SEMA5A: variants seen among roughly 807,000 people sequenced by gnomAD.
SEMA5A encodes the protein semaphorin-5A.
Under a neutral mutation model 135.5 loss-of-function variants are expected in SEMA5A, and 55 were observed. The observed-to-expected ratio is 0.41, with a 90% confidence interval of 0.33 to 0.51. The LOEUF (loss-of-function observed/expected upper bound fraction) is 0.51, where lower values mean the gene tolerates loss of function less well. Among genes scored for constraint, SEMA5A ranks in the 20% least tolerant of loss-of-function variants. SEMA5A has a pLI of 0.37. For synonymous variants in SEMA5A, 580 were observed against 546.5 expected (o/e 1.06, Z -0.85); for missense variants, 1,290 against 1,419.9 (o/e 0.91, Z 1.47).
chr5:9,395,064 T>C (rs1756329793), intron 2 of SEMA5A, among the ~76,000 whole-genome samples: 1 of 152,196 alleles, frequency 6.6e-6, no homozygotes, highest in Non-Finnish European at 1.5e-5. Flanking sequence ...TTTTCAACAA[T>C]ATGCATTTAT....
chr5:9,377,163 C>G lies in SEMA5A; in HGVS notation c.124+2660G>C, dbSNP rs558885574. On this transcript the variant is annotated intron_variant, in intron 3 of 22. Transcript: ENST00000382496. ...TCTACACTCTTCTAGAGAGTAGGCT[C>G]CAGCATATATCATTAGGTTAAAATA... 2.0e-5 allele frequency among the ~76,000 whole-genome samples: 3 copies of G among 150,432 alleles called. No individual in the cohort carries two copies. The East Asian group carries it at 5.8e-4, about 29-fold the overall frequency.
chr5:9,424,224 A>T (rs771310139), intron 2 of SEMA5A, among the ~76,000 whole-genome samples: 53 of 152,318 alleles, frequency 3.5e-4, no homozygotes, highest in Non-Finnish European at 5.6e-4. Context: ...CAAATATTTC[A>T]TTGTAAGAGT....
chr5:9,058,405 C>A (rs1320009722), intron 18 of SEMA5A, among the ~76,000 whole-genome samples: 2 of 152,136 alleles, frequency 1.3e-5, no homozygotes, highest in Admixed American at 1.3e-4. Flanking sequence ...ATAGGAATCT[C>A]CTCATGGCTT....
chr5:9,047,390 GCTCT>G (rs1300856605), intron 21 of SEMA5A, among the ~76,000 whole-genome samples: 5 of 152,152 alleles, frequency 3.3e-5, no homozygotes, highest in Non-Finnish European at 7.3e-5. Flanking sequence ...ACTAAAAATA[GCTCT>G]CTAAGACAAA....
chr5:9,326,341 G>A (rs1164048096), intron 4 of SEMA5A, among the ~76,000 whole-genome samples: 2 of 152,188 alleles, frequency 1.3e-5, no homozygotes, highest in African/African-American at 2.4e-5. Context: ...AACCTCCATC[G>A]CAGGCATTCA....
intron 3 of SEMA5A, among the ~76,000 whole-genome samples, chr5:9,354,763 C>G (rs1188005700): frequency 6.6e-6 from 1 of 152,066 alleles, no homozygotes; most frequent in African/African-American, 2.4e-5. Context: ...TGACTTAGAG[C>G]AACATGGTAG....
intron 2 of SEMA5A, among the ~76,000 whole-genome samples, chr5:9,391,383 A>T (rs1308267392): frequency 6.6e-6 from 1 of 151,908 alleles, no homozygotes; most frequent in African/African-American, 2.4e-5. Context: ...GGTGAATATA[A>T]GTGTACATAT....
At chr5:9,428,169 C>CT (rs1561245298) in intron 2 of SEMA5A, among the ~76,000 whole-genome samples, 232 of 51,646 alleles carry the variant, frequency 4.5e-3, no homozygotes, top group African/African-American at 0.018. Context: ...TCTATCTATC[C>CT]ATCCATCCAT....
chr5:9,520,106 A>G (rs1389518983), intron 1 of SEMA5A: 2 of 152,394 alleles, frequency 1.3e-5, no homozygotes. Context: ...CACCTGGCCT[A>G]GCAGCAGCCA....
At chr5:9,531,381 C>G (rs1475273622) in intron 1 of SEMA5A, among the ~76,000 whole-genome samples, 2 of 152,202 alleles carry the variant, frequency 1.3e-5, no homozygotes, top group Non-Finnish European at 2.9e-5. Flanking sequence ...ACAGATGTGG[C>G]TGTGTACCCT....
intron 15 of SEMA5A, among the ~76,000 whole-genome samples, chr5:9,117,092 T>C (rs767825606): frequency 7.2e-5 from 11 of 152,218 alleles, no homozygotes; most frequent in Non-Finnish European, 1.5e-4. Flanking sequence ...CAAATGAACA[T>C]TTCTTCTTTA....
At chr5:9,183,277 G>A (rs1271863613) in intron 11 of SEMA5A, among the ~76,000 whole-genome samples, 1 of 152,162 alleles carries the variant, frequency 6.6e-6, no homozygotes, top group African/African-American at 2.4e-5. Flanking sequence ...GCCTGGAGGT[G>A]AAAATGGAAG....
intron 2 of SEMA5A, among the ~76,000 whole-genome samples, chr5:9,386,256 C>T (rs571616212): frequency 1.4e-4 from 21 of 152,226 alleles, no homozygotes; most frequent in Middle Eastern, 3.4e-3. Flanking sequence ...AAACCAACCC[C>T]GAAGCCATGC....
intron 5 of SEMA5A, among the ~76,000 whole-genome samples, chr5:9,283,200 A>C (rs1279289024): frequency 6.6e-6 from 1 of 152,162 alleles, no homozygotes; most frequent in Non-Finnish European, 1.5e-5. Context: ...ATACCTATGA[A>C]TTATCTCTCA....
intron 16 of SEMA5A, among the ~76,000 whole-genome samples, chr5:9,095,174 C>A (rs1416966509): frequency 6.6e-6 from 1 of 152,054 alleles, no homozygotes; most frequent in Non-Finnish European, 1.5e-5. Context: ...CATGTTCTCA[C>A]TCATAAGTGA....
At chr5:9,063,879 G>A (rs902976161) in intron 17 of SEMA5A, among the ~76,000 whole-genome samples, 1 of 152,204 alleles carries the variant, frequency 6.6e-6, no homozygotes, top group Non-Finnish European at 1.5e-5. Context: ...ACTTTCACTT[G>A]TTAAGTCACG....
chr5:9,477,229 T>C (rs939145808), intron 1 of SEMA5A, among the ~76,000 whole-genome samples: 1 of 152,166 alleles, frequency 6.6e-6, no homozygotes, highest in African/African-American at 2.4e-5. Flanking sequence ...GTGAGTAAAT[T>C]AAATCTCTTT....
intron 2 of SEMA5A, among the ~76,000 whole-genome samples, chr5:9,433,664 T>C (rs1757931213): frequency 6.7e-6 from 1 of 148,858 alleles, no homozygotes; most frequent in Non-Finnish European, 1.5e-5. Flanking sequence ...TAATTATTGC[T>C]TGAAAAAAAA....
At chr5:9,073,160 C>G (rs938995738) in intron 16 of SEMA5A, among the ~76,000 whole-genome samples, 1 of 152,074 alleles carries the variant, frequency 6.6e-6, no homozygotes, top group African/African-American at 2.4e-5. Flanking sequence ...ATGTAGTTTT[C>G]TATTCCTCAT....
Sources: allele counts gnomAD v4.1 joint callset (sites outside exome capture counted in the v4.1 genomes callset), GRCh38; gene constraint gnomAD v4.1.1; transcripts MANE v1.5; gene names NCBI Gene and HGNC (gene_info 2026-07-23, HGNC 2026-07-21).